Variants in PCDHA9 observed in about 807,000 individuals in gnomAD.
The protein encoded by PCDHA9 is protocadherin alpha-9.
In PCDHA9, 62 loss-of-function variants were observed where a neutral mutation model predicts 62.0. The ratio of observed to expected loss-of-function variants is 1.00; its 90% confidence interval spans 0.81 to 1.23. PCDHA9 has a LOEUF of 1.23. Ranked by LOEUF, PCDHA9 falls within the 50% of genes most tolerant of loss-of-function variation. PCDHA9 has a pLI of 0.00. For synonymous variants in PCDHA9, 557 were observed against 567.6 expected (o/e 0.98, Z 0.27); for missense variants, 1,205 against 1,249.8 (o/e 0.96, Z 0.54).
In PCDHA9 at chr5:140,896,536, C is replaced by CTTT. The variant is rs34213614; in HGVS notation, c.2394+45657_2394+45659dup. 9.4e-4 allele frequency among the ~76,000 whole-genome samples: 137 copies of CTTT among 145,660 alleles called. 1 individual carries two copies. Among genetic ancestry groups the CTTT allele is most frequent in the East Asian group, 2.8e-3 (14 of 5,008 alleles). On this transcript the variant is annotated intron_variant, in intron 1 of 3. Coordinates refer to ENST00000532602, the MANE Select transcript of PCDHA9 (RefSeq NM_031857.2). ...CACACCACAAAGCCCAGCTATTTTT[C>CTTT]TTTTTTTTTTTTGTATTTTAAGTAG... is the stretch of plus-strand genomic sequence containing the variant.
rs554030052 is a variant in PCDHA9 at position 140,856,707 on chromosome 5, A to C, written c.2394+5818A>C. The C allele has an allele frequency of 4.6e-4, 729 of 1,596,628 alleles. 58 individuals carry two copies. The South Asian group carries it at 7.4e-3, about 16-fold the overall frequency. ...ACAGCAACTGATGGAGGCAAACCTGAATTTACCGGATCTGTTTCTCTGCTG... is the reference window on the plus strand; with the variant it reads ...ACAGCAACTGATGGAGGCAAACCTGCATTTACCGGATCTGTTTCTCTGCTG... On this transcript the variant is annotated intron_variant, in intron 1 of 3. Coordinates refer to ENST00000532602, the MANE Select transcript of PCDHA9 (RefSeq NM_031857.2).
chr5:140,883,980 G>A, intron 1 of PCDHA9: 1 of 1,612,872 alleles, frequency 6.2e-7, no homozygotes, highest in Non-Finnish European at 8.5e-7. Context: ...CCCGGGGCTG[G>A]CAGCGCGGGA....
At chr5:140,967,733 C>T (rs1473723959) in intron 1 of PCDHA9, 7 of 1,614,024 alleles carry the variant, frequency 4.3e-6, no homozygotes, top group Non-Finnish European at 5.9e-6. Context: ...AATTGGGGGG[C>T]TGGATTATGA....
Position 140,861,540 on chromosome 5 carries a change from C to T in PCDHA9, c.2394+10651C>T, listed in dbSNP as rs78647999. On this transcript the variant is annotated intron_variant, in intron 1 of 3. Coordinates refer to ENST00000532602, the MANE Select transcript of PCDHA9 (RefSeq NM_031857.2). ...TGGGAGGATCTCGGAGTGCAGCATC[C>T]ACCTGGAAGTGATCGTGGACAAGCT... is the stretch of plus-strand genomic sequence containing the variant. 502 of 425,826 alleles carry T rather than the reference C, an allele frequency of 1.2e-3. 2 individuals are homozygous for T. The highest frequency in any genetic ancestry group is 9.5e-3 in the African/African-American group (465 of 48,884). 26.4% of individuals were successfully genotyped at this position (425,826 alleles called of 1,614,324 possible).
chr5:141,000,418 T>C (rs2097923101), intron 3 of PCDHA9, among the ~76,000 whole-genome samples: 1 of 83,682 alleles, frequency 1.2e-5, no homozygotes, highest in Admixed American at 1.7e-4. Flanking sequence ...TATATATATA[T>C]ATATTTTTTT....
intron 1 of PCDHA9, among the ~76,000 whole-genome samples, chr5:140,909,000 G>C (rs569548757): frequency 9.8e-5 from 15 of 152,296 alleles, no homozygotes; most frequent in Non-Finnish European, 1.8e-4. Flanking sequence ...AAATTTTACT[G>C]AGGTAGAAGG....
At chr5:140,882,332 G>T (rs782439110) in intron 1 of PCDHA9, 20 of 1,614,060 alleles carry the variant, frequency 1.2e-5, no homozygotes, top group Non-Finnish European at 1.7e-5. Flanking sequence ...TCTGATCCTC[G>T]CAGCCTGGGA....
At chr5:140,951,767 G>A (rs561938687) in intron 1 of PCDHA9, among the ~76,000 whole-genome samples, 2 of 152,160 alleles carry the variant, frequency 1.3e-5, no homozygotes, top group South Asian at 2.1e-4. Context: ...ATCTCATGAC[G>A]TTCTTACATT....
intron 1 of PCDHA9, chr5:140,864,535 C>G (rs535465437): frequency 1.3e-5 from 2 of 152,242 alleles, no homozygotes; most frequent in South Asian, 2.1e-4. Flanking sequence ...TAATTTTTGT[C>G]TTCAATCTTC....
At chr5:140,911,759 T>A (rs2075630155) in intron 1 of PCDHA9, among the ~76,000 whole-genome samples, 3 of 152,026 alleles carry the variant, frequency 2.0e-5, no homozygotes, top group South Asian at 2.1e-4. Context: ...TTCTCCATAC[T>A]ATTAGAAGTA....
At chr5:140,985,083 G>A (rs782261438) in intron 3 of PCDHA9, among the ~76,000 whole-genome samples, 5 of 152,158 alleles carry the variant, frequency 3.3e-5, no homozygotes, top group East Asian at 1.9e-4. Context: ...GACTACAGGC[G>A]TGTGCCACCA....
chr5:140,856,471 A>T, intron 1 of PCDHA9: 3 of 1,597,970 alleles, frequency 1.9e-6, no homozygotes, highest in Non-Finnish European at 2.6e-6. Context: ...AGCTCTCAAT[A>T]CCTGAATCCA....
rs782226254 is a variant in PCDHA9 at position 140,882,345 on chromosome 5, C to T, written c.2394+31456C>T. The T allele has an allele frequency of 6.8e-6, 11 of 1,614,042 alleles. No homozygotes were observed. In the Admixed American group the frequency reaches 1.5e-4, roughly 22 times the overall value. Reference sequence around the variant, plus strand: ...CTTCTGATCCTCGCAGCCTGGGAGACGGGTAGTGGCCAGCTCCACTACTCC... The same window carrying T: ...CTTCTGATCCTCGCAGCCTGGGAGATGGGTAGTGGCCAGCTCCACTACTCC... On this transcript the variant is annotated intron_variant, in intron 1 of 3. Transcript: ENST00000532602.
chr5:140,969,238 A>G, intron 1 of PCDHA9: 3 of 1,614,222 alleles, frequency 1.9e-6, no homozygotes, highest in South Asian at 1.1e-5. Flanking sequence ...GAGCCCAAGC[A>G]GCAGTGACTG....
At chr5:140,936,184 C>T (rs572832347) in intron 1 of PCDHA9, among the ~76,000 whole-genome samples, 4 of 152,308 alleles carry the variant, frequency 2.6e-5, no homozygotes, top group African/African-American at 4.8e-5. Context: ...TAAACCACCA[C>T]GCCCAGCCAA....
At position 140,849,834 on chromosome 5, in the gene PCDHA9, G is replaced by C; in HGVS notation, c.1339G>C (p.Asp447His). 6.3e-7 allele frequency: 1 copy of C among 1,598,606 alleles called. No individual in the cohort carries two copies. The highest frequency in any genetic ancestry group is 1.1e-5 in the South Asian group (1 of 90,536). The change falls in exon 1 of 4, where the codon GAC becomes CAC. Residue 447 changes from aspartate (D) to histidine (H), a missense_variant. By Grantham distance (81) the Asp-to-His change is moderately conservative. This residue lies in a region of PCDHA9 where 887 missense variants were observed against 809.5 expected (regional missense o/e 1.10). Transcript: ENST00000532602. ...GGCCAGGGTGTCTGTGGAGGTGGCC[G>C]ACGTGAACGACAACGCACCAGCGTT... is the stretch of plus-strand genomic sequence containing the variant. Reference protein sequence around the residue: ...ATARVSVEVADVNDNAPAFAQ... With the variant: ...ATARVSVEVAHVNDNAPAFAQ...
chr5:140,920,821 C>T (rs1389717155), intron 1 of PCDHA9, among the ~76,000 whole-genome samples: 11 of 146,336 alleles, frequency 7.5e-5, no homozygotes, highest in South Asian at 2.1e-4. Flanking sequence ...TCCAGCCTGG[C>T]GACGGAGCAA....
chr5:140,869,677 C>T, intron 1 of PCDHA9: 1 of 1,613,420 alleles, frequency 6.2e-7, no homozygotes, highest in Non-Finnish European at 8.5e-7. Flanking sequence ...GATTAAAAGA[C>T]TGTCACTTAT....
intron 1 of PCDHA9, chr5:140,928,716 C>T (rs555492959): frequency 3.1e-6 from 5 of 1,614,178 alleles, no homozygotes; most frequent in East Asian, 4.5e-5. Flanking sequence ...ACTCTAGTCT[C>T]TTTAGAATTT....
Sources: gnomAD v4.1 joint callset for allele counts (sites outside exome capture counted in the v4.1 genomes callset) on GRCh38, gnomAD v4.1.1 for gene constraint, gnomAD v4.1.1 regional missense constraint, MANE v1.5 for transcripts, NCBI Gene and HGNC (gene_info 2026-07-23, HGNC 2026-07-21) for gene names.